The following SPMAP2 variants were observed in gnomAD, a reference collection of about 807,000 sequenced individuals.
SPMAP2 encodes Theg homolog.
chr19:363,982 A>G, the SPMAP2 span, among the ~76,000 whole-genome samples: 1 of 152,132 alleles, frequency 6.6e-6, no homozygotes, highest in East Asian at 1.9e-4. Context: ...GGCTACAGTC[A>G]TATGCACTGC....
the SPMAP2 span, chr19:373,807 G>C: frequency 1.1e-6 from 1 of 878,426 alleles, no homozygotes; most frequent in South Asian, 1.5e-5. Context: ...CAAGGGTGGA[G>C]AGCCCCACAT....
chr19:362,913 G>C, the SPMAP2 span, among the ~76,000 whole-genome samples: 1 of 152,136 alleles, frequency 6.6e-6, no homozygotes, highest in African/African-American at 2.4e-5. Context: ...GCTACAGCAT[G>C]GCTGAGCCTT....
chr19:367,238 TAGAG>T, the SPMAP2 span: 63 of 1,584,620 alleles, frequency 4.0e-5, no homozygotes, highest in Non-Finnish European at 4.9e-5. Context: ...GAAAGAGAAA[TAGAG>T]AGAAGGGTTA....
chr19:371,162 C>G, the SPMAP2 span: 26 of 1,235,418 alleles, frequency 2.1e-5, no homozygotes, highest in Non-Finnish European at 2.8e-5. Context: ...CGGGTCCCAG[C>G]CCGCCTGGCG....
At chr19:373,668 C>CGG in the SPMAP2 span, 1 of 764,586 alleles carries the variant, frequency 1.3e-6, no homozygotes, top group Non-Finnish European at 2.2e-6. Context: ...CAGAGAAGGA[C>CGG]AGTGGGGGGG....
the SPMAP2 span, among the ~76,000 whole-genome samples, chr19:364,336 C>CAAAAAAA: frequency 1.3e-5 from 1 of 74,156 alleles, no homozygotes; most frequent in Non-Finnish European, 2.4e-5. Context: ...AGCTCTGTCT[C>CAAAAAAA]AAAAAAAAAA....
chr19:375,631 G>C, the SPMAP2 span: 1 of 1,519,700 alleles, frequency 6.6e-7, no homozygotes. Context: ...CTACCCCACC[G>C]CACCCAGGCA....
the SPMAP2 span, chr19:371,276 C>T: frequency 4.0e-6 from 6 of 1,518,848 alleles, no homozygotes; most frequent in Middle Eastern, 1.8e-4. Flanking sequence ...CGACTCGACG[C>T]TCTGTATTCC....
At chr19:371,369 G>GGTGTGT in the SPMAP2 span, 72 of 851,168 alleles carry the variant, frequency 8.5e-5, no homozygotes, top group East Asian at 1.5e-3. Flanking sequence ...CGGGGGTGGG[G>GGTGTGT]GTGTGTGTGT....
the SPMAP2 span, among the ~76,000 whole-genome samples, chr19:370,912 C>G: frequency 6.6e-6 from 1 of 152,124 alleles, no homozygotes; most frequent in Non-Finnish European, 1.5e-5. Flanking sequence ...GGAGTCCGGC[C>G]TGAGCTGGGG....
chr19:364,354 A>G, the SPMAP2 span, among the ~76,000 whole-genome samples: 1 of 148,092 alleles, frequency 6.8e-6, no homozygotes, highest in Non-Finnish European at 1.5e-5. Flanking sequence ...AAAAAAAAAA[A>G]AAGAAAGAAA....
the SPMAP2 span, among the ~76,000 whole-genome samples, chr19:375,134 T>G: frequency 1.3e-5 from 2 of 151,808 alleles, no homozygotes; most frequent in Non-Finnish European, 2.9e-5. Context: ...GTATGTAGAG[T>G]GCGCGCCTTG....
chr19:375,382 G>A, the SPMAP2 span, among the ~76,000 whole-genome samples: 1 of 152,068 alleles, frequency 6.6e-6, no homozygotes, highest in African/African-American at 2.4e-5. Flanking sequence ...AACTCAGTCT[G>A]CCTGACTCCA....
At chr19:375,064 G>A in the SPMAP2 span, among the ~76,000 whole-genome samples, 2 of 152,152 alleles carry the variant, frequency 1.3e-5, no homozygotes, top group Non-Finnish European at 2.9e-5. Flanking sequence ...GGTGAGAAGG[G>A]GGCAGGTCGG....
chr19:374,218 G>A, the SPMAP2 span: 3 of 1,577,890 alleles, frequency 1.9e-6, no homozygotes, highest in South Asian at 2.3e-5. Context: ...GCCGAGCAGT[G>A]GGGACAGGAG....
the SPMAP2 span, among the ~76,000 whole-genome samples, chr19:370,804 G>A: frequency 1.1e-4 from 17 of 152,020 alleles, no homozygotes; most frequent in African/African-American, 1.7e-4. Context: ...GGCGGGGGGC[G>A]GCAGAAGCCG....
the SPMAP2 span, chr19:372,778 T>C: frequency 7.1e-7 from 1 of 1,409,672 alleles, no homozygotes; most frequent in East Asian, 2.3e-5. Flanking sequence ...GCATGCGGAA[T>C]TCAGCTTTTC....
chr19:365,861 C>A, the SPMAP2 span, among the ~76,000 whole-genome samples: 3 of 152,068 alleles, frequency 2.0e-5, no homozygotes, highest in African/African-American at 4.8e-5. Flanking sequence ...ATGCTGCTTC[C>A]TGGCCAGGAG....
chr19:375,586 G>C, the SPMAP2 span: 1 of 1,406,304 alleles, frequency 7.1e-7, no homozygotes, highest in African/African-American at 1.5e-5. Flanking sequence ...CGCCCAGGGG[G>C]CTGCTGCCCT....
Sources: gnomAD v4.1 joint callset for allele counts (sites outside exome capture counted in the v4.1 genomes callset) on GRCh38, gnomAD v4.1.1 for gene constraint, MANE v1.5 for transcripts, NCBI Gene and HGNC (gene_info 2026-07-23, HGNC 2026-07-21) for gene names.